The following USP28 variants were observed in gnomAD, a reference collection of about 807,000 sequenced individuals.
USP28 encodes the protein ubiquitin specific peptidase 28.
Under a neutral mutation model 145.0 loss-of-function variants are expected in USP28, and 113 were observed. That is an observed-to-expected ratio of 0.78 (90% confidence interval 0.67 to 0.91). USP28 has a LOEUF of 0.91. Ranked by LOEUF, USP28 falls within the 40% of genes least tolerant of loss-of-function variation. The pLI is 0.00. For synonymous variants in USP28, 447 were observed against 450.9 expected (o/e 0.99, Z 0.11); for missense variants, 1,201 against 1,289.6 (o/e 0.93, Z 1.05).
intron 1 of USP28, chr11:113,874,976 C>A (rs1949226590): frequency 1.1e-6 from 1 of 944,686 alleles, no homozygotes; most frequent in Non-Finnish European, 1.3e-6. Flanking sequence ...GACCCCTGGT[C>A]TTATAGAAGA....
At chr11:113,845,975 G>A (rs530217741) in intron 3 of USP28, among the ~76,000 whole-genome samples, 1 of 152,240 alleles carries the variant, frequency 6.6e-6, no homozygotes, top group Admixed American at 6.5e-5. Flanking sequence ...ATTAATGAAT[G>A]GATAAACAAA....
rs978457468 is a variant in USP28 at position 113,827,157 on chromosome 11, G to A, written c.1187+76C>T. 2.6e-5 allele frequency: 39 copies of A among 1,499,604 alleles called. No individual in the cohort carries two copies. The African/African-American group carries it at 3.6e-4, about 14-fold the overall frequency. The allele number at this position is 1,499,604 out of a possible 1,614,324, so 92.9% of individuals were successfully genotyped here. A position where few individuals can be genotyped will look rare whatever the true frequency, so the allele number is the denominator to read the frequency against. The stretch of plus-strand genomic sequence containing the variant: ...ATCATGTCTCCCAGGTGATTCCTAC[G>A]CACACTATACTTAGTACGTGCTCAT... On this transcript the variant is annotated intron_variant, in intron 11 of 24. Transcript: ENST00000003302.
intron 18 of USP28, among the ~76,000 whole-genome samples, chr11:113,807,075 CT>C (rs1409404373): frequency 3.8e-3 from 546 of 144,068 alleles, no homozygotes; most frequent in African/African-American, 5.8e-3. Flanking sequence ...TTTTCAAGGA[CT>C]TTTTTTTTTT....
chr11:113,845,486 A>C (rs1945727413), intron 3 of USP28, among the ~76,000 whole-genome samples: 1 of 152,256 alleles, frequency 6.6e-6, no homozygotes, highest in African/African-American at 2.4e-5. Flanking sequence ...TGCAACTGCT[A>C]CAGAAAACAG....
At position 113,808,074 on chromosome 11, in the gene USP28, T is replaced by C. The variant is rs113576650; in HGVS notation, c.2304+224A>G. ...CTGCATCATTAGCCTTTGGGGGCTG[T>C]TCTGACTGCTCTGCAAGGTTTGTTT... On this transcript the variant is annotated intron_variant, in intron 18 of 24. Transcript: ENST00000003302. 1.5e-5 allele frequency: 21 copies of C among 1,405,618 alleles called. 1 individual carries two copies. The highest frequency in any genetic ancestry group is 8.7e-5 in the African/African-American group (6 of 69,186). 87.1% of individuals were successfully genotyped at this position (1,405,618 alleles called of 1,614,324 possible). A position where few individuals can be genotyped will look rare whatever the true frequency, so the allele number is the denominator to read the frequency against.
chr11:113,825,481 C>G (rs1167548486), intron 11 of USP28, among the ~76,000 whole-genome samples: 1 of 152,158 alleles, frequency 6.6e-6, no homozygotes, highest in African/African-American at 2.4e-5. Context: ...TTTCATAGAA[C>G]CAAGCAATCC....
At chr11:113,872,601 A>C (rs1948934807) in intron 1 of USP28, among the ~76,000 whole-genome samples, 1 of 152,232 alleles carries the variant, frequency 6.6e-6, no homozygotes, top group Non-Finnish European at 1.5e-5. Context: ...AAGGAAACGA[A>C]AGGTCAATAA....
chr11:113,802,660 A>G (rs867797014), intron 23 of USP28, among the ~76,000 whole-genome samples: 12 of 152,366 alleles, frequency 7.9e-5, no homozygotes, highest in Middle Eastern at 6.8e-3. Context: ...TGTTATCAGA[A>G]CAGCAGGACC....
At chr11:113,864,284 A>C (rs924144994) in intron 1 of USP28, among the ~76,000 whole-genome samples, 2 of 152,226 alleles carry the variant, frequency 1.3e-5, no homozygotes, top group Non-Finnish European at 2.9e-5. Flanking sequence ...AAAGACCTAA[A>C]TAAATTGAAA....
intron 1 of USP28, among the ~76,000 whole-genome samples, chr11:113,873,614 TTAAAA>T (rs1949036785): frequency 1.3e-5 from 2 of 152,232 alleles, no homozygotes; most frequent in African/African-American, 4.8e-5. Flanking sequence ...TCTCTCTCCC[TTAAAA>T]TAGTCTCTTC....
intron 9 of USP28, among the ~76,000 whole-genome samples, chr11:113,830,603 C>T (rs549250564): frequency 6.6e-6 from 1 of 152,194 alleles, no homozygotes; most frequent in South Asian, 2.1e-4. Flanking sequence ...CACTATCTGA[C>T]ATTAATGTCA....
intron 5 of USP28, among the ~76,000 whole-genome samples, chr11:113,839,753 G>A (rs765688444): frequency 4.6e-5 from 7 of 152,010 alleles, no homozygotes; most frequent in African/African-American, 7.2e-5. Flanking sequence ...GGCCAGGCGC[G>A]GTGGCTCACG....
intron 6 of USP28, 83 bp from the exon 7 acceptor site, chr11:113,833,640 T>C: frequency 7.3e-7 from 1 of 1,365,102 alleles, no homozygotes; most frequent in Non-Finnish European, 1.0e-6. Context: ...TTGTCAATAA[T>C]CATGCCCTCA....
intron 23 of USP28, among the ~76,000 whole-genome samples, chr11:113,802,446 T>C (rs1472631590): frequency 6.6e-6 from 1 of 152,230 alleles, no homozygotes; most frequent in African/African-American, 2.4e-5. Flanking sequence ...GCCTGACTTC[T>C]GTGAAGGGCA....
intron 3 of USP28, among the ~76,000 whole-genome samples, chr11:113,851,430 G>A (rs1243371534): frequency 2.6e-5 from 4 of 152,070 alleles, no homozygotes; most frequent in Non-Finnish European, 5.9e-5. Flanking sequence ...GCTGTTCCCT[G>A]AGCAAGCCAA....
chr11:113,838,727 C>T (rs1248128175), intron 5 of USP28, among the ~76,000 whole-genome samples: 1 of 152,226 alleles, frequency 6.6e-6, no homozygotes, highest in East Asian at 1.9e-4. Flanking sequence ...TTCATCTTTA[C>T]ACTTGTCACC....
chr11:113,818,114 A>G (rs1942028257), intron 12 of USP28: 1 of 330,140 alleles, frequency 3.0e-6, no homozygotes, highest in African/African-American at 2.1e-5. Flanking sequence ...ATGATGTCAT[A>G]TTACATTTAG....
At chr11:113,865,006 T>C (rs542362262) in intron 1 of USP28, among the ~76,000 whole-genome samples, 3 of 152,164 alleles carry the variant, frequency 2.0e-5, no homozygotes, top group South Asian at 4.2e-4. Context: ...CCAACTAAGA[T>C]TTTTCATATT....
intron 12 of USP28, among the ~76,000 whole-genome samples, chr11:113,819,115 CTT>C (rs1055207541): frequency 2.6e-4 from 37 of 140,256 alleles, no homozygotes; most frequent in Admixed American, 2.9e-4. Context: ...CATTTTTATT[CTT>C]TTTTTTTTTT....
Sources: gnomAD v4.1 joint callset for allele counts (sites outside exome capture counted in the v4.1 genomes callset) on GRCh38, gnomAD v4.1.1 for gene constraint, MANE v1.5 for transcripts, NCBI Gene and HGNC (gene_info 2026-07-23, HGNC 2026-07-21) for gene names.